Variants in AQP7 observed in about 807,000 individuals in gnomAD.
The protein encoded by AQP7 is aquaporin-7.
A neutral mutation model predicts 26.1 loss-of-function variants in AQP7; 22 were observed. That is an observed-to-expected ratio of 0.84 (90% CI 0.60 to 1.20). The LOEUF (loss-of-function observed/expected upper bound fraction) is 1.20, where lower values mean the gene tolerates loss of function less well. Ranked by LOEUF, AQP7 falls within the 50% of genes most tolerant of loss-of-function variation. The pLI, the probability that AQP7 is intolerant of heterozygous loss-of-function variation, is 0.00. For synonymous variants in AQP7, 167 were observed against 181.7 expected (o/e 0.92, Z 0.65); for missense variants, 412 against 457.5 (o/e 0.90, Z 0.91).
rs147404586 is a variant in AQP7 at position 33,401,147 on chromosome 9, G to A, written c.26+90C>T. On this transcript the variant is annotated intron_variant, in intron 2 of 7. Transcript: ENST00000297988. ...GTCGAGTGGGGACAGCTGCCCCAAG[G>A]GAGAGGCTGAGGATGGAACAGGGAG... 3.8e-3 allele frequency: 5,521 copies of A among 1,437,244 alleles called. 21 individuals carry two copies. Among genetic ancestry groups the A allele is most frequent in the Middle Eastern group, 7.2e-3 (30 of 4,158 alleles). The allele number at this position is 1,437,244 out of a possible 1,614,324, so 89.0% of individuals were successfully genotyped here.
chr9:33,400,973 T>C, intron 2 of AQP7: 1 of 544,148 alleles, frequency 1.8e-6, no homozygotes, highest in Non-Finnish European at 3.3e-6. Flanking sequence ...AGGTGCTGAG[T>C]GCAGTTGAGT....
At chr9:33,394,954 G>C (rs1825726478) in intron 3 of AQP7, 124 bp downstream of exon 3, 2 of 851,372 alleles carry the variant, frequency 2.3e-6, no homozygotes, top group Non-Finnish European at 3.8e-6. Context: ...TTCCTCTGCT[G>C]CTTCCCCAGG....
At chr9:33,398,645 G>A (rs538197917) in intron 2 of AQP7, among the ~76,000 whole-genome samples, 19 of 152,344 alleles carry the variant, frequency 1.2e-4, no homozygotes, top group East Asian at 5.8e-4. Flanking sequence ...GAAGCTGTGG[G>A]AGAATGGACA....
In AQP7 at chr9:33,401,256, G is replaced by C; in HGVS notation, c.7C>G (p.Gln3Glu). 1 of 1,549,338 alleles carries C rather than the reference G, an allele frequency of 6.5e-7. No individual in the cohort carries two copies. Among genetic ancestry groups the C allele is most frequent in the Non-Finnish European group, 8.7e-7 (1 of 1,146,768 alleles). MV[Q>E]ASGHRRSTRG... is the part of the protein sequence containing the mutation. Reference sequence around the variant, plus strand: ...ACTTACCGCCTGTGCCCGGATGCTTGAACCATGTTTTGTCTTTCAGATTTG... The same window carrying C: ...ACTTACCGCCTGTGCCCGGATGCTTCAACCATGTTTTGTCTTTCAGATTTG... Residue 3 changes from glutamine (Q) to glutamate (E), a missense_variant, in exon 2 of 8, where the codon CAA (glutamine) becomes GAA (glutamate). Physicochemically the swap from Gln to Glu is conservative, Grantham distance 29 (BLOSUM62 2). Transcript: ENST00000297988.
Position 33,383,251 on chromosome 9 carries a change from T to C in AQP7, c.*1754A>G, listed in dbSNP as rs1461158919. 1 of 152,214 alleles carries C rather than the reference T, an allele frequency of 6.6e-6. No individual in the cohort carries two copies. The highest frequency in any genetic ancestry group is 1.5e-5 in the Non-Finnish European group (1 of 68,044). 9.4% of individuals were successfully genotyped at this position (152,214 alleles called of 1,614,324 possible). ...ACACAAATGGGAAGTAATATTCTTA[T>C]CGCCATTTTACAAATAAGAAGACCA... On this transcript the variant is annotated 3_prime_UTR_variant, in exon 8 of 8. Coordinates refer to ENST00000297988, the MANE Select transcript of AQP7 (RefSeq NM_001170.3).
chr9:33,385,670 C>G lies in AQP7; in HGVS notation c.722G>C (p.Gly241Ala). 1 of 1,613,796 alleles carries G rather than the reference C, an allele frequency of 6.2e-7. No homozygotes were observed. Among genetic ancestry groups the G allele is most frequent in the South Asian group, 1.1e-5 (1 of 91,072 alleles). The change falls in exon 7 of 8, where the codon GGT (glycine) becomes GCT (alanine). Residue 241 changes from glycine to alanine, a missense_variant. Transcript: ENST00000297988. ...LPPRIFTFIA[G>A]WGKQVFSNGE... ...GTACCTGAAGACCTGTTTGCCCCAA[C>G]CAGCAATGAAGGTGAAGATGCGGGG...
At chr9:33,401,063 G>T in intron 2 of AQP7, 174 bp downstream of exon 2, 1 of 702,540 alleles carries the variant, frequency 1.4e-6, no homozygotes, top group South Asian at 1.7e-5. Flanking sequence ...CCAGGCAACA[G>T]GTGGAAGATG....
At chr9:33,399,699 A>C (rs530726900) in intron 2 of AQP7, among the ~76,000 whole-genome samples, 50 of 152,182 alleles carry the variant, frequency 3.3e-4, no homozygotes, top group Non-Finnish European at 5.3e-4. Context: ...CACTCTGTTT[A>C]ATGGAAGAGA....
At position 33,386,277 on chromosome 9, in the gene AQP7, G is replaced by A; in HGVS notation, c.407-82C>T. The A allele has an allele frequency of 3.1e-6, 5 of 1,602,408 alleles. No homozygotes were observed. The South Asian group carries it at 5.5e-5, about 18-fold the overall frequency. On this transcript the variant is annotated intron_variant, in intron 5 of 7. Coordinates refer to ENST00000297988, the MANE Select transcript of AQP7 (RefSeq NM_001170.3). Reference sequence around the variant, plus strand: ...CCAGAAATGAGGTTATAGGTTAGAGGGTGGGGGATCTCCAAGGCTTTTTTC... The same window carrying A: ...CCAGAAATGAGGTTATAGGTTAGAGAGTGGGGGATCTCCAAGGCTTTTTTC...
intron 2 of AQP7, 58 bp from the exon 3 acceptor site, chr9:33,395,253 A>T: frequency 2.1e-6 from 3 of 1,460,930 alleles, no homozygotes; most frequent in Non-Finnish European, 2.9e-6. Context: ...CCTGCTGCCC[A>T]TCGGCTCTTC....
chr9:33,394,486 C>CTTTTT (rs56966031), intron 3 of AQP7, among the ~76,000 whole-genome samples: 5 of 115,112 alleles, frequency 4.3e-5, no homozygotes. Flanking sequence ...CTCTCTCTCT[C>CTTTTT]TTTTTTTTTT....
chr9:33,400,548 A>G (rs202244148), intron 2 of AQP7, among the ~76,000 whole-genome samples: 1 of 152,122 alleles, frequency 6.6e-6, no homozygotes, highest in African/African-American at 2.4e-5. Flanking sequence ...TTGGGAGGCC[A>G]AGGCGGGTGG....
rs1824543101 is a variant in AQP7, at chr9:33,384,112, T to G, written c.*893A>C. ...TTCTGAGCCCCAGGCAACAGAGTGA[T>G]TCCTGCCTGGCCCCAGGGTCAGTGG... On this transcript the variant is annotated 3_prime_UTR_variant, in exon 8 of 8. Transcript: ENST00000297988. 1.3e-5 allele frequency: 2 copies of G among 152,204 alleles called. No homozygotes were observed. Among genetic ancestry groups the G allele is most frequent in the Non-Finnish European group, 2.9e-5 (2 of 68,040 alleles). The allele number at this position is 152,204 out of a possible 1,614,324, so 9.4% of individuals were successfully genotyped here.
In AQP7 at chr9:33,386,484, C is replaced by G. The variant is rs1181251066; in HGVS notation, c.326G>C (p.Trp109Ser). The G allele has an allele frequency of 1.2e-6, 2 of 1,612,498 alleles. No homozygotes were observed. Among genetic ancestry groups the G allele is most frequent in the Non-Finnish European group, 1.7e-6 (2 of 1,179,310 alleles). The change falls in exon 5 of 8, where the codon TGG becomes TCG. Residue 109 changes from tryptophan (W) to serine (S), a missense_variant. Trp to Ser is a radical substitution (Grantham distance 177, BLOSUM62 -3). Coordinates refer to ENST00000297988, the MANE Select transcript of AQP7 (RefSeq NM_001170.3). ...FANCALGRVP[W>S]RKFPVYVLGQ... ...CAGCACATAGACCGGAAACTTCCTCCAGGGCACGCGGCCCAGCGCACAGTT... is the reference window on the plus strand; with the variant it reads ...CAGCACATAGACCGGAAACTTCCTCGAGGGCACGCGGCCCAGCGCACAGTT...
At position 33,386,961 on chromosome 9, in the gene AQP7, T is replaced by C. The variant is rs759785154; in HGVS notation, c.268+8A>G. 6.2e-7 allele frequency: 1 copy of C among 1,611,892 alleles called. No individual in the cohort carries two copies. The highest frequency in any genetic ancestry group is 8.5e-7 in the Non-Finnish European group (1 of 1,179,758). On this transcript the variant is annotated splice_region_variant and intron_variant, in intron 4 of 7. Coordinates refer to ENST00000297988, the MANE Select transcript of AQP7 (RefSeq NM_001170.3). ...TTGCCCGGTCCGGCAGGGCCTGGGC[T>C]CACTCACCAGAGATGCGGCCTGCCA... is the stretch of plus-strand genomic sequence containing the variant.
intron 4 of AQP7, 25 bp from the exon 5 acceptor site, chr9:33,386,566 A>G (rs929874660): frequency 2.0e-5 from 32 of 1,606,034 alleles, no homozygotes; most frequent in Non-Finnish European, 2.7e-5. Flanking sequence ...CAAGTGTGTC[A>G]GGGAGTGAGA....
intron 3 of AQP7, chr9:33,391,375 A>G (rs1044986242): frequency 5.3e-6 from 1 of 189,470 alleles, no homozygotes; most frequent in African/African-American, 2.3e-5. Flanking sequence ...CTCTGCAGCC[A>G]GCCAAAGTCC....
chr9:33,401,659 C>T (rs3860983), intron 1 of AQP7: 8 of 295,994 alleles, frequency 2.7e-5, no homozygotes, highest in South Asian at 1.5e-4. Flanking sequence ...ACTTAAGCTG[C>T]GACTGTCCAG....
chr9:33,390,955 CA>C (rs1191028951), intron 3 of AQP7, among the ~76,000 whole-genome samples: 1 of 152,066 alleles, frequency 6.6e-6, no homozygotes, highest in Non-Finnish European at 1.5e-5. Context: ...ACTAAAGATA[CA>C]AAAAATTAGC....
Sources: allele counts gnomAD v4.1 joint callset (sites outside exome capture counted in the v4.1 genomes callset), GRCh38; gene constraint gnomAD v4.1.1; transcripts MANE v1.5; gene names NCBI Gene and HGNC (gene_info 2026-07-23, HGNC 2026-07-21).